The following RBM24 variants were observed in gnomAD, a reference collection of about 807,000 sequenced individuals.
RBM24 encodes RNA binding motif protein 24.
In RBM24, 5 loss-of-function variants were observed where a neutral mutation model predicts 23.6. The observed-to-expected ratio is 0.21, with a 90% CI of 0.11 to 0.45. The LOEUF (loss-of-function observed/expected upper bound fraction) is 0.45, where lower values mean the gene tolerates loss of function less well. Among genes scored for constraint, RBM24 ranks in the 20% least tolerant of loss-of-function variants. RBM24 has a pLI of 0.99. For missense variants in RBM24, 252 were observed against 314.6 expected, an observed-to-expected ratio of 0.80 and a Z score of 1.51; for synonymous variants, 151 against 129.5, an observed-to-expected ratio of 1.17 and a Z score of -1.13.
chr6:17,282,634 C>T, intron 1 of RBM24, 171 bp from the exon 2 acceptor site: 1 of 386,826 alleles, frequency 2.6e-6, no homozygotes, highest in South Asian at 2.6e-5. Flanking sequence ...CCCCCGCCCG[C>T]CTGTTAAAAA....
At chr6:17,287,821 C>A (rs569414466) in intron 3 of RBM24, among the ~76,000 whole-genome samples, 1 of 151,288 alleles carries the variant, frequency 6.6e-6, no homozygotes, top group African/African-American at 2.4e-5. Context: ...AAAAAAAAAC[C>A]AAAAAACAAA....
At chr6:17,290,132 T>A (rs1378365899) in intron 3 of RBM24, 1 of 1,262,506 alleles carries the variant, frequency 7.9e-7, no homozygotes, top group African/African-American at 1.5e-5. Context: ...TAAATTCATC[T>A]TTTCCATGGA....
chr6:17,284,843 C>T, intron 3 of RBM24, 132 bp downstream of exon 3: 1 of 583,116 alleles, frequency 1.7e-6, no homozygotes, highest in Non-Finnish European at 2.9e-6. Context: ...TATATTTGTG[C>T]ATTTTTAATG....
At chr6:17,291,561 T>G (rs982320638) in intron 3 of RBM24, among the ~76,000 whole-genome samples, 195 bp from the exon 4 acceptor site, 1 of 151,892 alleles carries the variant, frequency 6.6e-6, no homozygotes, top group African/African-American at 2.4e-5. Flanking sequence ...ATCATATTTT[T>G]GGGGTCCAGT....
At chr6:17,291,182 A>G (rs1187742804) in intron 3 of RBM24, among the ~76,000 whole-genome samples, 2 of 152,174 alleles carry the variant, frequency 1.3e-5, no homozygotes, top group Non-Finnish European at 2.9e-5. Flanking sequence ...CTGAGGTTGC[A>G]GAGAGATTAA....
intron 3 of RBM24, among the ~76,000 whole-genome samples, chr6:17,287,218 G>T (rs1246142702): frequency 6.6e-6 from 1 of 152,142 alleles, no homozygotes. Flanking sequence ...AATGCTACAT[G>T]TTCCTATTTT....
rs567257366 is a variant in RBM24 at position 17,281,505 on chromosome 6, G to T, written c.-77G>T. 6.9e-4 allele frequency: 926 copies of T among 1,342,042 alleles called. 6 individuals carry two copies. The African/African-American group carries it at 0.013, about 19-fold the overall frequency. The allele number at this position is 1,342,042 out of a possible 1,614,324, so 83.1% of individuals were successfully genotyped here. ...GGCCGCGAAAGGGTGCGGGAGACGC[G>T]GAGCCGGAGGAGGAGGCGCAGCCGC... On this transcript the variant is annotated 5_prime_UTR_variant, in exon 1 of 4. Transcript: ENST00000379052. The surrounding 1 kb of genome is among the most constrained non-coding windows in gnomAD (Gnocchi z 7.1).
Position 17,281,552 on chromosome 6 carries a change from C to T in RBM24, c.-30C>T. On this transcript the variant is annotated 5_prime_UTR_variant, in exon 1 of 4. Transcript: ENST00000379052. This position sits in a 1 kb window ranked among gnomAD's most constrained non-coding sequence, Gnocchi z 7.1. ...CCGCTGCCCGAGCCGCAGCCGCAGCCGGAGCCCGAGCCGCGGGGCGGGTGC... is the reference window on the plus strand; with the variant it reads ...CCGCTGCCCGAGCCGCAGCCGCAGCTGGAGCCCGAGCCGCGGGGCGGGTGC... 1.3e-6 allele frequency: 2 copies of T among 1,483,598 alleles called. No homozygotes were observed. Among genetic ancestry groups the T allele is most frequent in the African/African-American group, 1.5e-5 (1 of 68,202 alleles). The allele number at this position is 1,483,598 out of a possible 1,614,324, so 91.9% of individuals were successfully genotyped here.
chr6:17,287,009 A>C (rs1760217706), intron 3 of RBM24, among the ~76,000 whole-genome samples: 1 of 152,236 alleles, frequency 6.6e-6, no homozygotes, highest in African/African-American at 2.4e-5. Context: ...ACCTCTTCTA[A>C]TATTAACTGT....
Position 17,281,940 on chromosome 6 carries a change from G to T in RBM24, c.168+191G>T. ...GTCGGCGCCAGCCTCGCGGGGTTCG[G>T]AGAAGACCCAGCGCTGTGCGAGGTC... On this transcript the variant is annotated intron_variant, in intron 1 of 3. Coordinates refer to ENST00000379052, the MANE Select transcript of RBM24 (RefSeq NM_001143942.2). This position sits in a 1 kb window ranked among gnomAD's most constrained non-coding sequence, Gnocchi z 7.1. 7.4e-7 allele frequency: 1 copy of T among 1,355,560 alleles called. No homozygotes were observed. Among genetic ancestry groups the T allele is most frequent in the Non-Finnish European group, 9.8e-7 (1 of 1,023,750 alleles). The allele number at this position is 1,355,560 out of a possible 1,614,324, so 84.0% of individuals were successfully genotyped here.
rs1474801717 is a variant in RBM24 at position 17,292,926 on chromosome 6, C to T, written c.*807C>T. On this transcript the variant is annotated 3_prime_UTR_variant, in exon 4 of 4. Coordinates refer to ENST00000379052, the MANE Select transcript of RBM24 (RefSeq NM_001143942.2). Reference sequence around the variant, plus strand: ...GGAAACTTGTATCTGCTGGTGTCAGCAATTCTGATTCTGAAATAGGATCAG... The same window carrying T: ...GGAAACTTGTATCTGCTGGTGTCAGTAATTCTGATTCTGAAATAGGATCAG... The T allele has an allele frequency of 6.6e-6, 1 of 152,294 alleles. No homozygotes were observed. Among genetic ancestry groups the T allele is most frequent in the Non-Finnish European group, 1.5e-5 (1 of 68,050 alleles). 9.4% of individuals were successfully genotyped at this position (152,294 alleles called of 1,614,324 possible).
intron 3 of RBM24, chr6:17,291,032 C>A (rs1004225548): frequency 4.1e-6 from 2 of 492,074 alleles, no homozygotes; most frequent in Admixed American, 2.4e-5. Context: ...ACGACAGCCT[C>A]TTGTGACAGA....
chr6:17,284,691 C>T lies in RBM24; in HGVS notation c.327C>T (p.Ala109=). The T allele has an allele frequency of 1.9e-6, 3 of 1,611,470 alleles. No individual in the cohort carries two copies. The highest frequency in any genetic ancestry group is 2.2e-5 in the South Asian group (2 of 90,280). Residue 109 remains alanine (A), a synonymous_variant, in exon 3 of 4, where the codon GCC becomes GCT. Coordinates refer to ENST00000379052, the MANE Select transcript of RBM24 (RefSeq NM_001143942.2). ...TTGGTGTTCAACAACTTCATCCAGC[C>T]CTTATACAAAGACCTTTCGGGTAAG... is the stretch of plus-strand genomic sequence containing the variant. ...FAFGVQQLHP[A]LIQRPFGIPA...
Position 17,292,395 on chromosome 6 carries a change from G to C in RBM24, c.*276G>C, listed in dbSNP as rs765246577. 3.9e-6 allele frequency: 1 copy of C among 255,646 alleles called. No homozygotes were observed. The allele number at this position is 255,646 out of a possible 1,614,324, so 15.8% of individuals were successfully genotyped here. A position where few individuals can be genotyped will look rare whatever the true frequency, so the allele number is the denominator to read the frequency against. ...CGAAATGACGCCAGGAGTAACAACGGAACTTCACTTTTGTAACGGGATTTT... is the reference window on the plus strand; with the variant it reads ...CGAAATGACGCCAGGAGTAACAACGCAACTTCACTTTTGTAACGGGATTTT... On this transcript the variant is annotated 3_prime_UTR_variant, in exon 4 of 4. Transcript: ENST00000379052.
intron 3 of RBM24, among the ~76,000 whole-genome samples, chr6:17,291,170 G>A (rs1434641570): frequency 6.6e-6 from 1 of 152,132 alleles, no homozygotes; most frequent in African/African-American, 2.4e-5. Context: ...TAATAAGGGT[G>A]ACTGAGGTTG....
rs752149028 is a variant in RBM24 at position 17,291,857 on chromosome 6, T to C, written c.449T>C (p.Ile150Thr). ...TAAAASTTPY[I>T]DYTGAAYAQY... ...GCTGCCGCCTCCACCACCCCTTACA[T>C]TGATTACACTGGAGCTGCATACGCA... Residue 150 changes from isoleucine to threonine, a missense_variant, in exon 4 of 4, where the codon ATT becomes ACT. By Grantham distance (89) the Ile-to-Thr change is moderately conservative. Coordinates refer to ENST00000379052, the MANE Select transcript of RBM24 (RefSeq NM_001143942.2). 2.5e-6 allele frequency: 4 copies of C among 1,614,068 alleles called. No individual in the cohort carries two copies. The highest frequency in any genetic ancestry group is 1.7e-5 in the Admixed American group (1 of 60,008).
intron 1 of RBM24, chr6:17,282,251 C>T (rs1760044905): frequency 6.2e-6 from 8 of 1,290,344 alleles, no homozygotes; most frequent in Admixed American, 2.3e-5. Context: ...TCCTAGGGCT[C>T]TTTGCCGAAC....
At chr6:17,289,696 C>T in intron 3 of RBM24, 1 of 985,416 alleles carries the variant, frequency 1.0e-6, no homozygotes, top group Non-Finnish European at 1.2e-6. Flanking sequence ...CACTGGCTGG[C>T]CTTTGCAGCT....
intron 3 of RBM24, among the ~76,000 whole-genome samples, chr6:17,285,442 A>G (rs1176997588): frequency 6.6e-6 from 1 of 151,598 alleles, no homozygotes; most frequent in African/African-American, 2.4e-5. Context: ...CTTGCTTTTA[A>G]GCTGTAGCCT....
Sources: allele counts gnomAD v4.1 joint callset (sites outside exome capture counted in the v4.1 genomes callset), GRCh38; gene constraint gnomAD v4.1.1; non-coding constraint Gnocchi (gnomAD v3.1); transcripts MANE v1.5; gene names NCBI Gene and HGNC (gene_info 2026-07-23, HGNC 2026-07-21).